Variants in OSBPL9 observed in about 807,000 individuals in gnomAD.
OSBPL9 encodes oxysterol-binding protein-related protein 9.
Under a neutral mutation model 106.6 loss-of-function variants are expected in OSBPL9, and 40 were observed. That is an observed-to-expected ratio of 0.38 (90% CI 0.29 to 0.49). The LOEUF (loss-of-function observed/expected upper bound fraction) is 0.49. OSBPL9 is among the 20% of genes least tolerant of loss of function. The pLI is 0.97. For synonymous variants in OSBPL9, 269 were observed against 295.4 expected (o/e 0.91, Z 0.92); for missense variants, 609 against 887.2 (o/e 0.69, Z 3.98).
chr1:51,690,548 A>G (rs1654746937), intron 3 of OSBPL9, among the ~76,000 whole-genome samples: 6 of 152,224 alleles, frequency 3.9e-5, no homozygotes, highest in Admixed American at 3.9e-4. Flanking sequence ...AGCAAAAATA[A>G]AGATTTCTTA....
chr1:51,613,844 C>A (rs914634371), upstream of OSBPL9, among the ~76,000 whole-genome samples: 19 of 151,890 alleles, frequency 1.3e-4, no homozygotes, highest in Non-Finnish European at 1.3e-4. Flanking sequence ...TGGGCTCAAG[C>A]AATCCCCCTG....
intron 3 of OSBPL9, among the ~76,000 whole-genome samples, chr1:51,693,582 CTTAATATGATAGCAGT>C (rs1557697928): frequency 6.6e-6 from 1 of 152,154 alleles, no homozygotes; most frequent in Non-Finnish European, 1.5e-5. Context: ...CACCTCTGTT[CTTAATATGATAGCAGT>C]TTATTTAAAT....
intron 1 of OSBPL9, among the ~76,000 whole-genome samples, chr1:51,645,927 A>C (rs1159077836): frequency 6.6e-6 from 1 of 152,126 alleles, no homozygotes; most frequent in African/African-American, 2.4e-5. Context: ...TTGATTATGT[A>C]TGTATGGGTT....
intron 4 of OSBPL9, among the ~76,000 whole-genome samples, chr1:51,716,130 C>T (rs1661004337): frequency 6.6e-6 from 1 of 152,186 alleles, no homozygotes; most frequent in African/African-American, 2.4e-5. Context: ...TTTGAGAAGT[C>T]TTAGACTTCT....
chr1:51,754,694 TAATG>T (rs1356499800), intron 8 of OSBPL9, among the ~76,000 whole-genome samples: 2 of 152,252 alleles, frequency 1.3e-5, no homozygotes, highest in African/African-American at 4.8e-5. Context: ...TTAATTTTAA[TAATG>T]TATGTTAGTA....
chr1:51,786,549 C>T lies in OSBPL9; in HGVS notation c.1932C>T (p.Thr644=), dbSNP rs766746258. 1.5e-5 allele frequency: 24 copies of T among 1,609,774 alleles called. No homozygotes were observed. In the East Asian group the frequency reaches 3.3e-4, roughly 22 times the overall value. Residue 644 remains threonine, a synonymous_variant, in exon 22 of 24, where the codon ACC becomes ACT. Transcript: ENST00000428468. ...ATGENTVFVD[T]KKLPIIKKKV... The stretch of plus-strand genomic sequence containing the variant: ...AGGAAAATACAGTCTTTGTAGATAC[C>T]AAGAAGTTGCCTATAATCAAGAAGA...
intron 3 of OSBPL9, among the ~76,000 whole-genome samples, chr1:51,673,511 G>C (rs1650424827): frequency 6.6e-6 from 1 of 152,234 alleles, no homozygotes; most frequent in African/African-American, 2.4e-5. Context: ...AAGAGAGAAA[G>C]GAGAGAGTTG....
intron 2 of OSBPL9, among the ~76,000 whole-genome samples, chr1:51,604,384 C>T (rs537055952): frequency 5.9e-5 from 9 of 151,902 alleles, no homozygotes; most frequent in African/African-American, 1.7e-4. Context: ...GATGAAACCC[C>T]GTCTCTACTA....
chr1:51,761,241 C>G (rs1359458434), intron 10 of OSBPL9, among the ~76,000 whole-genome samples: 3 of 147,718 alleles, frequency 2.0e-5, no homozygotes, highest in Non-Finnish European at 4.4e-5. Context: ...CACATGACAT[C>G]TGGGTTTTGT....
the OSBPL9 span, chr1:51,519,190 T>C: frequency 1.4e-6 from 2 of 1,420,238 alleles, no homozygotes; most frequent in Non-Finnish European, 1.9e-6. Flanking sequence ...GACGGGCGTG[T>C]GGCGTTACCT....
intron 15 of OSBPL9, among the ~76,000 whole-genome samples, chr1:51,779,513 C>T (rs911155138): frequency 2.0e-5 from 3 of 151,934 alleles, no homozygotes; most frequent in Admixed American, 2.0e-4. Flanking sequence ...ACCAATAATC[C>T]AAAAGTGAAT....
chr1:51,665,255 C>T (rs189892718), intron 2 of OSBPL9, among the ~76,000 whole-genome samples: 2 of 152,184 alleles, frequency 1.3e-5, no homozygotes, highest in Non-Finnish European at 2.9e-5. Flanking sequence ...AGTGATTCTC[C>T]TGCCTCAGCC....
At chr1:51,551,375 C>T in the OSBPL9 span, among the ~76,000 whole-genome samples, 1 of 152,136 alleles carries the variant, frequency 6.6e-6, no homozygotes. Flanking sequence ...ATGCCATCTT[C>T]CTTTTCTTCA....
chr1:51,527,671 G>A, the OSBPL9 span, among the ~76,000 whole-genome samples: 2 of 152,152 alleles, frequency 1.3e-5, no homozygotes, highest in African/African-American at 4.8e-5. Flanking sequence ...TGGGATTACA[G>A]ATGTGAGTCA....
rs980020306 is a variant in OSBPL9 at position 51,686,521 on chromosome 1, G to T, written c.241+17009G>T. Among the ~76,000 whole-genome samples the T allele has an allele frequency of 2.6e-5, 4 of 152,336 alleles. No homozygotes were observed. The South Asian group carries it at 8.3e-4, about 32-fold the overall frequency. On this transcript the variant is annotated intron_variant, in intron 3 of 23. Transcript: ENST00000428468. ...TTCCTACACTGACTGTATTAGCAAT[G>T]TTTTCATGCTGTCAGGTGGTTTTGG...
chr1:51,681,301 T>G (rs913417424), intron 3 of OSBPL9, among the ~76,000 whole-genome samples: 7 of 152,278 alleles, frequency 4.6e-5, no homozygotes, highest in Non-Finnish European at 1.0e-4. Flanking sequence ...GAGGGTATAT[T>G]CTTACCACAT....
chr1:51,677,711 C>T (rs994717362), intron 3 of OSBPL9, among the ~76,000 whole-genome samples: 7 of 152,074 alleles, frequency 4.6e-5, no homozygotes, highest in African/African-American at 7.2e-5. Flanking sequence ...CCACCACTCT[C>T]GGCTAATTTT....
At chr1:51,776,947 C>T (rs773376711) in intron 15 of OSBPL9, 29 bp downstream of exon 15, 16 of 1,520,888 alleles carry the variant, frequency 1.1e-5, no homozygotes, top group African/African-American at 4.1e-5. Flanking sequence ...TAGTTTCCAA[C>T]GTTTACAGAT....
At chr1:51,683,017 C>T (rs930406720) in intron 3 of OSBPL9, among the ~76,000 whole-genome samples, 1 of 151,866 alleles carries the variant, frequency 6.6e-6, no homozygotes, top group African/African-American at 2.4e-5. Context: ...GCTAGGATTA[C>T]AGGTGTCTGC....
Sources: gnomAD v4.1 joint callset for allele counts (sites outside exome capture counted in the v4.1 genomes callset) on GRCh38, gnomAD v4.1.1 for gene constraint, MANE v1.5 for transcripts, NCBI Gene and HGNC (gene_info 2026-07-23, HGNC 2026-07-21) for gene names.